Variants in UBE2Q2 observed in about 807,000 individuals in gnomAD.
UBE2Q2 encodes ubiquitin-conjugating enzyme E2 Q2.
Under a neutral mutation model 59.9 loss-of-function variants are expected in UBE2Q2, and 54 were observed. The ratio of observed to expected loss-of-function variants is 0.90; its 90% CI spans 0.72 to 1.13. The LOEUF (loss-of-function observed/expected upper bound fraction) is 1.13, where lower values mean the gene tolerates loss of function less well. UBE2Q2 is among the 50% of genes most tolerant of loss of function. The pLI, the probability that UBE2Q2 is intolerant of heterozygous loss-of-function variation, is 0.00. For synonymous variants in UBE2Q2, 165 were observed against 155.2 expected (o/e 1.06, Z -0.47); for missense variants, 433 against 441.9 (o/e 0.98, Z 0.18).
intron 2 of UBE2Q2, among the ~76,000 whole-genome samples, chr15:75,856,197 G>GTA (rs1159451533): frequency 9.4e-5 from 14 of 149,466 alleles, no homozygotes; most frequent in African/African-American, 3.0e-4. Context: ...AAAAAAAAAT[G>GTA]TATATATATA....
At chr15:75,845,187 A>G (rs1896277816) in intron 1 of UBE2Q2, among the ~76,000 whole-genome samples, 1 of 152,086 alleles carries the variant, frequency 6.6e-6, no homozygotes. Flanking sequence ...CGCTTCAGGG[A>G]AGGCTTTGAT....
At chr15:75,872,206 C>T (rs551591470) in intron 4 of UBE2Q2, among the ~76,000 whole-genome samples, 34 of 151,580 alleles carry the variant, frequency 2.2e-4, no homozygotes, top group Non-Finnish European at 4.0e-4. Context: ...CCAGCCGGGG[C>T]AACGGAGCGA....
At chr15:75,852,410 G>C (rs1896676638) in intron 1 of UBE2Q2, among the ~76,000 whole-genome samples, 1 of 152,064 alleles carries the variant, frequency 6.6e-6, no homozygotes, top group African/African-American at 2.4e-5. Context: ...TCCCCACTTT[G>C]GGAACCATTG....
At chr15:75,876,712 A>G (rs920744541) in intron 6 of UBE2Q2, among the ~76,000 whole-genome samples, 25 of 152,206 alleles carry the variant, frequency 1.6e-4, no homozygotes, top group Non-Finnish European at 3.2e-4. Flanking sequence ...TTTAAAATAT[A>G]TAAGTTTTTA....
rs141805357 is a variant in UBE2Q2, at chr15:75,887,769, T to TA, written c.885-2665dup. Among the ~76,000 whole-genome samples the TA allele has an allele frequency of 2.4e-3, 360 of 152,246 alleles. 3 individuals are homozygous for TA. The highest frequency in any genetic ancestry group is 8.3e-3 in the African/African-American group (344 of 41,546). On this transcript the variant is annotated intron_variant, in intron 9 of 12. Transcript: ENST00000267938. ...GTAGTTGAGGGCCACGCTGTTGTCT[T>TA]AGAGTGAAGTGAGGAGAACCTACAT...
At chr15:75,887,083 T>C (rs1388583999) in intron 9 of UBE2Q2, among the ~76,000 whole-genome samples, 1 of 152,026 alleles carries the variant, frequency 6.6e-6, no homozygotes, top group Non-Finnish European at 1.5e-5. Flanking sequence ...GTGTTATTGT[T>C]CTCATTATTC....
chr15:75,843,925 C>A, intron 1 of UBE2Q2, 79 bp downstream of exon 1: 24 of 1,445,332 alleles, frequency 1.7e-5, no homozygotes, highest in South Asian at 5.6e-5. Context: ...CAAAGGGGAG[C>A]CTGCCCCGGA....
chr15:75,859,177 A>T (rs1897084049), intron 2 of UBE2Q2, among the ~76,000 whole-genome samples: 1 of 152,246 alleles, frequency 6.6e-6, no homozygotes, highest in African/African-American at 2.4e-5. Context: ...AACAATCTGG[A>T]CTTAAACATG....
At chr15:75,863,788 G>A (rs1291091531) in intron 3 of UBE2Q2, among the ~76,000 whole-genome samples, 2 of 151,996 alleles carry the variant, frequency 1.3e-5, no homozygotes, top group African/African-American at 4.8e-5. Flanking sequence ...GATTACAGGT[G>A]TGCACCACCA....
chr15:75,851,190 G>A (rs1896619761), intron 1 of UBE2Q2, among the ~76,000 whole-genome samples: 1 of 149,580 alleles, frequency 6.7e-6, no homozygotes, highest in Admixed American at 6.6e-5. Context: ...GGAGTGCAGT[G>A]GTGTGATCAC....
At chr15:75,846,147 A>T (rs1261002987) in intron 1 of UBE2Q2, among the ~76,000 whole-genome samples, 1 of 152,222 alleles carries the variant, frequency 6.6e-6, no homozygotes, top group African/African-American at 2.4e-5. Flanking sequence ...TCTGTACTCC[A>T]CTTTAGATTA....
chr15:75,894,004 T>A (rs189197), intron 11 of UBE2Q2, among the ~76,000 whole-genome samples: 30,167 of 152,102 alleles, frequency 0.2, 3,380 homozygotes, highest in Admixed American at 0.29. Flanking sequence ...ACAGTGTCAT[T>A]CTCTGATCTT....
intron 1 of UBE2Q2, 51 bp downstream of exon 1, chr15:75,843,897 G>C: frequency 2.7e-6 from 4 of 1,495,540 alleles, no homozygotes; most frequent in Non-Finnish European, 3.6e-6. Flanking sequence ...CGGAGAGGGG[G>C]CGCTTCGAGT....
At position 75,894,267 on chromosome 15, in the gene UBE2Q2, A is replaced by AT. The variant is rs1326261149; in HGVS notation, c.1030-2727dup. On this transcript the variant is annotated intron_variant, in intron 11 of 12. Coordinates refer to ENST00000267938, the MANE Select transcript of UBE2Q2 (RefSeq NM_173469.4). ...AAGCCTCTGATTGTTAGAAAGGACA[A>AT]TAAAAAAAACCTGAAGGAGGCCAGG... 2.6e-5 allele frequency among the ~76,000 whole-genome samples: 4 copies of AT among 152,306 alleles called. 1 individual carries two copies. The South Asian group carries it at 6.2e-4, about 24-fold the overall frequency.
chr15:75,871,074 A>C (rs1214701040), intron 4 of UBE2Q2, among the ~76,000 whole-genome samples: 3 of 152,224 alleles, frequency 2.0e-5, no homozygotes, highest in Non-Finnish European at 4.4e-5. Flanking sequence ...TGTCAGGGTC[A>C]CAAGACAATA....
intron 2 of UBE2Q2, 32 bp from the exon 3 acceptor site, chr15:75,859,846 A>G (rs1897119407): frequency 1.3e-6 from 2 of 1,515,918 alleles, no homozygotes; most frequent in South Asian, 1.3e-5. Context: ...GCTCTTTAAC[A>G]TAATGCTTAT....
At chr15:75,849,646 T>G (rs1896535297) in intron 1 of UBE2Q2, among the ~76,000 whole-genome samples, 1 of 152,236 alleles carries the variant, frequency 6.6e-6, no homozygotes, top group African/African-American at 2.4e-5. Flanking sequence ...GTGATGAACT[T>G]GTTTGAAATT....
intron 3 of UBE2Q2, among the ~76,000 whole-genome samples, chr15:75,867,818 CTT>C (rs1897581881): frequency 1.3e-5 from 2 of 152,076 alleles, no homozygotes; most frequent in South Asian, 4.2e-4. Context: ...CAACCAAACT[CTT>C]TGGGAGTTTT....
At chr15:75,888,314 A>G (rs1186572209) in intron 9 of UBE2Q2, among the ~76,000 whole-genome samples, 1 of 152,126 alleles carries the variant, frequency 6.6e-6, no homozygotes, top group Non-Finnish European at 1.5e-5. Context: ...AGATTTGCCT[A>G]TCTTGGACAT....
Sources: gnomAD v4.1 joint callset for allele counts (sites outside exome capture counted in the v4.1 genomes callset) on GRCh38, gnomAD v4.1.1 for gene constraint, MANE v1.5 for transcripts, NCBI Gene and HGNC (gene_info 2026-07-23, HGNC 2026-07-21) for gene names.